LRBA: variants seen among roughly 807,000 people sequenced by gnomAD.
LRBA encodes lipopolysaccharide-responsive and beige-like anchor protein.
LRBA carries 176 observed loss-of-function variants against 330.0 expected under a neutral mutation model. The observed-to-expected ratio is 0.53, with a 90% CI of 0.47 to 0.60. LRBA has a LOEUF of 0.60. LRBA is among the 20% of genes least tolerant of loss of function. The probability of loss-of-function intolerance (pLI) is 0.00; values close to 1 mark genes in which losing one functional copy is unlikely to be tolerated. For missense variants in LRBA, 3,259 were observed against 3,444.8 expected (o/e 0.95, Z 1.35); for synonymous variants, 1,230 against 1,193.0 (o/e 1.03, Z -0.64).
At chr4:150,896,501 A>T (rs1215348483) in intron 15 of LRBA, 45 bp from the exon 16 acceptor site, 1 of 997,560 alleles carries the variant, frequency 1.0e-6, no homozygotes, top group South Asian at 1.5e-5. Flanking sequence ...ATGTAAAAAA[A>T]TGTTTAAAGA....
intron 47 of LRBA, among the ~76,000 whole-genome samples, chr4:150,388,361 T>C (rs1490815671): frequency 6.6e-6 from 1 of 152,258 alleles, no homozygotes; most frequent in African/African-American, 2.4e-5. Context: ...CTAAAATTCA[T>C]GCCTTTATCA....
At chr4:150,714,735 G>A (rs1177358606) in intron 36 of LRBA, among the ~76,000 whole-genome samples, 8 of 151,934 alleles carry the variant, frequency 5.3e-5, no homozygotes, top group Non-Finnish European at 8.8e-5. Flanking sequence ...AGAACATGTT[G>A]GTATAATATT....
intron 36 of LRBA, among the ~76,000 whole-genome samples, chr4:150,702,663 A>C (rs1312148651): frequency 6.6e-6 from 1 of 152,158 alleles, no homozygotes; most frequent in Non-Finnish European, 1.5e-5. Context: ...ACAAATCCCA[A>C]ATCTGTGCTT....
intron 44 of LRBA, among the ~76,000 whole-genome samples, chr4:150,465,387 T>A (rs1755315676): frequency 6.6e-6 from 1 of 152,166 alleles, no homozygotes; most frequent in South Asian, 2.1e-4. Flanking sequence ...AAATTATCTG[T>A]TCTTATCCCT....
intron 36 of LRBA, among the ~76,000 whole-genome samples, chr4:150,690,047 CTAGA>C (rs1355260017): frequency 4.0e-5 from 6 of 151,610 alleles, no homozygotes; most frequent in African/African-American, 1.2e-4. Context: ...AATTAAGAAG[CTAGA>C]TAAATGAAGA....
chr4:150,590,890 C>A, intron 38 of LRBA, 31 bp from the exon 39 acceptor site: 1 of 1,610,804 alleles, frequency 6.2e-7, no homozygotes, highest in South Asian at 1.1e-5. Flanking sequence ...AGCTGTCCAT[C>A]AGTTCTGGGA....
At chr4:150,884,654 G>A (rs1728751243) in intron 17 of LRBA, among the ~76,000 whole-genome samples, 1 of 152,054 alleles carries the variant, frequency 6.6e-6, no homozygotes, top group Admixed American at 6.6e-5. Context: ...GTAGACCGTG[G>A]AGAAAACACA....
intron 40 of LRBA, among the ~76,000 whole-genome samples, chr4:150,501,864 A>G (rs950895275): frequency 2.0e-5 from 3 of 152,224 alleles, no homozygotes; most frequent in Admixed American, 6.5e-5. Context: ...GCAATAAAAA[A>G]CAGTGATTCC....
At chr4:150,915,783 A>G (rs1732520930) in intron 7 of LRBA, 56 bp from the exon 8 acceptor site, 6 of 1,420,242 alleles carry the variant, frequency 4.2e-6, no homozygotes, top group Non-Finnish European at 4.8e-6. Flanking sequence ...CCAATAACGC[A>G]ACCATACTGA....
intron 40 of LRBA, among the ~76,000 whole-genome samples, chr4:150,505,557 A>G (rs1279382209): frequency 6.6e-6 from 1 of 152,236 alleles, no homozygotes; most frequent in Non-Finnish European, 1.5e-5. Context: ...GACATACCAG[A>G]ATCTCTAGGA....
At chr4:150,767,749 C>T (rs1735961699) in intron 34 of LRBA, among the ~76,000 whole-genome samples, 1 of 79,254 alleles carries the variant, frequency 1.3e-5, no homozygotes, top group African/African-American at 4.6e-5. Flanking sequence ...CAGAGCGAGA[C>T]TTGTTGCAAA....
At chr4:150,730,562 A>C (rs1248523235) in intron 36 of LRBA, among the ~76,000 whole-genome samples, 1 of 151,958 alleles carries the variant, frequency 6.6e-6, no homozygotes, top group Non-Finnish European at 1.5e-5. Context: ...ACAGGCCTTT[A>C]ATCCCAGCTA....
intron 40 of LRBA, among the ~76,000 whole-genome samples, chr4:150,571,074 C>T (rs1353076694): frequency 6.6e-6 from 1 of 152,132 alleles, no homozygotes; most frequent in Non-Finnish European, 1.5e-5. Flanking sequence ...GACACCAAAT[C>T]TAAGTGCCTC....
intron 53 of LRBA, among the ~76,000 whole-genome samples, chr4:150,300,779 G>A (rs531105686): frequency 1.1e-4 from 16 of 152,110 alleles, no homozygotes; most frequent in East Asian, 3.9e-4. Flanking sequence ...CTTCCTTTGC[G>A]AAGAGCTGAA....
chr4:150,850,395 A>G (rs1750475254), intron 24 of LRBA, among the ~76,000 whole-genome samples: 1 of 152,062 alleles, frequency 6.6e-6, no homozygotes, highest in African/African-American at 2.4e-5. Context: ...CGCCCGGCCT[A>G]TACCAATTAT....
intron 17 of LRBA, among the ~76,000 whole-genome samples, chr4:150,890,723 G>A (rs1377722412): frequency 1.3e-5 from 2 of 152,152 alleles, no homozygotes; most frequent in Non-Finnish European, 2.9e-5. Flanking sequence ...AAATGTGAAT[G>A]TTAAGATGAG....
At chr4:150,811,378 A>G (rs1578860218) in intron 31 of LRBA, among the ~76,000 whole-genome samples, 1 of 152,178 alleles carries the variant, frequency 6.6e-6, no homozygotes, top group Non-Finnish European at 1.5e-5. Context: ...TAAAAGTAGA[A>G]ATGGAAAAAA....
In LRBA at chr4:150,302,701, G is replaced by A. The variant is rs767853624; in HGVS notation, c.7941C>T (p.Leu2647=). Residue 2647 remains leucine, a synonymous_variant, in exon 53 of 57, where the codon CTC becomes CTT. Transcript: ENST00000651943. ...AAAGAGTTGCATCACGTGACCCTGAGAGAATGTAGCAATTTCCCCCAATAT... is the reference window on the plus strand; with the variant it reads ...AAAGAGTTGCATCACGTGACCCTGAAAGAATGTAGCAATTTCCCCCAATAT... The part of the protein sequence containing the change: ...ESYIGGNCYI[L]SGSRDATLLL... The A allele has an allele frequency of 1.2e-6, 2 of 1,612,960 alleles. No individual in the cohort carries two copies. Among genetic ancestry groups the A allele is most frequent in the Admixed American group, 1.7e-5 (1 of 59,934 alleles).
At chr4:150,625,689 A>G (rs1158471265) in intron 37 of LRBA, among the ~76,000 whole-genome samples, 1 of 146,300 alleles carries the variant, frequency 6.8e-6, no homozygotes, top group Admixed American at 6.8e-5. Context: ...TACCGAGATT[A>G]TATATATATA....
Sources: gnomAD v4.1 joint callset for allele counts (sites outside exome capture counted in the v4.1 genomes callset) on GRCh38, gnomAD v4.1.1 for gene constraint, MANE v1.5 for transcripts, NCBI Gene and HGNC (gene_info 2026-07-23, HGNC 2026-07-21) for gene names.